The following TNR variants were observed in gnomAD, a reference collection of about 807,000 sequenced individuals.
TNR encodes tenascin R.
Under a neutral mutation model 150.4 loss-of-function variants are expected in TNR, and 45 were observed. The observed-to-expected ratio is 0.30, with a 90% CI of 0.24 to 0.38. TNR has a LOEUF of 0.38. TNR is among the 10% of genes least tolerant of loss of function. TNR has a pLI of 1.00. For synonymous variants in TNR, 687 were observed against 678.4 expected, an observed-to-expected ratio of 1.01 and a Z score of -0.20; for missense variants, 1,544 against 1,759.1, an observed-to-expected ratio of 0.88 and a Z score of 2.19.
Position 175,504,039 on chromosome 1 carries a change from G to A in TNR, c.-64+24230C>T, listed in dbSNP as rs77319323. Among the ~76,000 whole-genome samples the A allele has an allele frequency of 2.3e-3, 350 of 152,326 alleles. 1 individual carries two copies. The highest frequency in any genetic ancestry group is 8.1e-3 in the African/African-American group (335 of 41,576). Reference sequence around the variant, plus strand: ...CAATGGGCTGCACCGCGGGGTGTACGAAGAAGGCTGATGCCCAGGAGCTCT... The same window carrying A: ...CAATGGGCTGCACCGCGGGGTGTACAAAGAAGGCTGATGCCCAGGAGCTCT... On this transcript the variant is annotated intron_variant, in intron 2 of 22. Transcript: ENST00000367674.
At chr1:175,519,536 A>G (rs1485060099) in intron 2 of TNR, among the ~76,000 whole-genome samples, 1 of 152,088 alleles carries the variant, frequency 6.6e-6, no homozygotes, top group African/African-American at 2.4e-5. Context: ...ACTCTTTACC[A>G]TTTCATTACC....
At chr1:175,693,465 A>G (rs989702102) in intron 1 of TNR, among the ~76,000 whole-genome samples, 2 of 152,186 alleles carry the variant, frequency 1.3e-5, no homozygotes, top group African/African-American at 4.8e-5. Context: ...GTCTCCATTG[A>G]TCATCCCCTG....
chr1:175,394,949 G>A (rs1571380592), intron 5 of TNR, among the ~76,000 whole-genome samples: 1 of 152,162 alleles, frequency 6.6e-6, no homozygotes, highest in Admixed American at 6.5e-5. Context: ...CAGGCACTTA[G>A]GGTGGTGACT....
chr1:175,631,488 T>G (rs116675614), intron 1 of TNR, among the ~76,000 whole-genome samples: 3,167 of 151,606 alleles, frequency 0.021, 115 homozygotes, highest in African/African-American at 0.071. Context: ...TCTTTGGTGA[T>G]TTTTTTTTAG....
intron 2 of TNR, among the ~76,000 whole-genome samples, chr1:175,419,686 T>A (rs899737199): frequency 1.3e-5 from 2 of 152,118 alleles, no homozygotes; most frequent in African/African-American, 4.8e-5. Flanking sequence ...TTCACCATGT[T>A]GGCCAAGCTG....
At chr1:175,742,074 G>C (rs1329648203) in intron 1 of TNR, among the ~76,000 whole-genome samples, 1 of 152,184 alleles carries the variant, frequency 6.6e-6, no homozygotes, top group Non-Finnish European at 1.5e-5. Context: ...ACTCAACCAG[G>C]TAGGTGTGGC....
At chr1:175,688,408 T>C (rs1666262951) in intron 1 of TNR, among the ~76,000 whole-genome samples, 1 of 152,246 alleles carries the variant, frequency 6.6e-6, no homozygotes, top group Non-Finnish European at 1.5e-5. Flanking sequence ...TTGTTGTGAC[T>C]GCCCAGGAAA....
At chr1:175,628,890 G>A (rs1407903064) in intron 1 of TNR, among the ~76,000 whole-genome samples, 1 of 152,154 alleles carries the variant, frequency 6.6e-6, no homozygotes, top group Non-Finnish European at 1.5e-5. Context: ...TCGAGGTTAA[G>A]TCATGAAGGA....
At chr1:175,412,034 T>C (rs1406900146) in intron 2 of TNR, among the ~76,000 whole-genome samples, 1 of 152,144 alleles carries the variant, frequency 6.6e-6, no homozygotes, top group Admixed American at 6.6e-5. Context: ...CAATCAGACT[T>C]GCTGCAGACA....
At chr1:175,477,184 A>G (rs889623990) in intron 2 of TNR, among the ~76,000 whole-genome samples, 1 of 152,212 alleles carries the variant, frequency 6.6e-6, no homozygotes, top group Non-Finnish European at 1.5e-5. Context: ...TATGCATATA[A>G]TATATATAGA....
chr1:175,353,847 A>ATTTTTT (rs1553207217), intron 18 of TNR, among the ~76,000 whole-genome samples: 1 of 66,328 alleles, frequency 1.5e-5, no homozygotes, highest in African/African-American at 6.0e-5. Context: ...TTAAATTTTT[A>ATTTTTT]TTTATTTTTT....
intron 6 of TNR, among the ~76,000 whole-genome samples, chr1:175,392,476 T>C (rs941458228): frequency 3.3e-5 from 5 of 152,162 alleles, no homozygotes; most frequent in East Asian, 3.9e-4. Flanking sequence ...TTAATTAGAG[T>C]TTTACATATT....
At chr1:175,727,425 G>A (rs1352335667) in intron 1 of TNR, among the ~76,000 whole-genome samples, 1 of 152,172 alleles carries the variant, frequency 6.6e-6, no homozygotes, top group Non-Finnish European at 1.5e-5. Flanking sequence ...TAGTGAGGAT[G>A]GAAGCCTGCT....
At chr1:175,665,706 C>G (rs182047777) in intron 1 of TNR, among the ~76,000 whole-genome samples, 1 of 152,346 alleles carries the variant, frequency 6.6e-6, no homozygotes, top group East Asian at 1.9e-4. Flanking sequence ...GTGTGTTTCA[C>G]CTGTACCAGG....
At chr1:175,358,079 T>C (rs1322506113) in intron 15 of TNR, among the ~76,000 whole-genome samples, 1 of 152,072 alleles carries the variant, frequency 6.6e-6, no homozygotes, top group Non-Finnish European at 1.5e-5. Context: ...GTGAAAGAAA[T>C]AGCATGTGCA....
intron 2 of TNR, among the ~76,000 whole-genome samples, chr1:175,416,751 GTAATC>G (rs1654475233): frequency 6.6e-6 from 1 of 152,162 alleles, no homozygotes; most frequent in Admixed American, 6.5e-5. Flanking sequence ...GCTCACGCCT[GTAATC>G]CCAGCACTTT....
At chr1:175,364,539 A>G (rs1387780409) in intron 12 of TNR, among the ~76,000 whole-genome samples, 1 of 152,176 alleles carries the variant, frequency 6.6e-6, no homozygotes, top group Non-Finnish European at 1.5e-5. Context: ...TCTAAGCAAC[A>G]TCCAAATCAA....
chr1:175,338,507 G>A (rs10798387), intron 18 of TNR, among the ~76,000 whole-genome samples: 64,294 of 151,958 alleles, frequency 0.42, 15,336 homozygotes, highest in East Asian at 0.66. Flanking sequence ...CTGCTAGAGT[G>A]AGCTAAAGGC....
chr1:175,545,541 T>C (rs1456681794), intron 1 of TNR, among the ~76,000 whole-genome samples: 1 of 152,214 alleles, frequency 6.6e-6, no homozygotes, highest in African/African-American at 2.4e-5. Flanking sequence ...ACTGAGGCTA[T>C]ATGCCTGAAA....
Sources: gnomAD v4.1 joint callset for allele counts (sites outside exome capture counted in the v4.1 genomes callset) on GRCh38, gnomAD v4.1.1 for gene constraint, MANE v1.5 for transcripts, NCBI Gene and HGNC (gene_info 2026-07-23, HGNC 2026-07-21) for gene names.